The following DCDC1 variants were observed in gnomAD, a reference collection of about 807,000 sequenced individuals.
The protein encoded by DCDC1 is doublecortin domain containing 1.
Under a neutral mutation model 178.3 loss-of-function variants are expected in DCDC1, and 200 were observed. The observed-to-expected ratio is 1.12, with a 90% CI of 1.00 to 1.26. The LOEUF (loss-of-function observed/expected upper bound fraction) is 1.26, where lower values mean the gene tolerates loss of function less well. DCDC1 is among the 50% of genes most tolerant of loss of function. DCDC1 has a pLI of 0.00. For synonymous variants in DCDC1, 690 were observed against 604.8 expected (o/e 1.14, Z -2.07); for missense variants, 1,983 against 1,749.2 (o/e 1.13, Z -2.38).
intron 9 of DCDC1, among the ~76,000 whole-genome samples, chr11:31,160,816 C>G (rs78759690): frequency 6.6e-6 from 1 of 152,146 alleles, no homozygotes; most frequent in Non-Finnish European, 1.5e-5. Flanking sequence ...GTTTAGAACA[C>G]CATTTCCTGG....
intron 8 of DCDC1, among the ~76,000 whole-genome samples, chr11:31,256,545 AT>A (rs1479310609): frequency 1.3e-5 from 2 of 152,218 alleles, no homozygotes; most frequent in African/African-American, 4.8e-5. Context: ...TCTGAGACTT[AT>A]GAAGCAGCTT....
intron 15 of DCDC1, among the ~76,000 whole-genome samples, chr11:31,095,290 T>C (rs943006760): frequency 6.6e-6 from 1 of 152,160 alleles, no homozygotes; most frequent in Admixed American, 6.6e-5. Context: ...TATAATCCTT[T>C]GGGTATATAC....
chr11:31,303,458 A>C (rs938164081), intron 6 of DCDC1, among the ~76,000 whole-genome samples: 1 of 152,038 alleles, frequency 6.6e-6, no homozygotes, highest in African/African-American at 2.4e-5. Context: ...ACACGTTTTT[A>C]TTTTAATGGT....
intron 22 of DCDC1, among the ~76,000 whole-genome samples, chr11:30,928,130 A>C (rs1198104650): frequency 1.3e-5 from 2 of 152,112 alleles, no homozygotes; most frequent in Admixed American, 6.6e-5. Flanking sequence ...AAATGAGTGA[A>C]TTCTCATTCT....
At chr11:31,142,191 T>C (rs1464454408) in intron 9 of DCDC1, among the ~76,000 whole-genome samples, 1 of 152,198 alleles carries the variant, frequency 6.6e-6, no homozygotes, top group Non-Finnish European at 1.5e-5. Context: ...AGTTAATTTG[T>C]ATCTGGAAAT....
At chr11:31,263,243 G>C (rs972791217) in intron 8 of DCDC1, among the ~76,000 whole-genome samples, 3 of 151,932 alleles carry the variant, frequency 2.0e-5, no homozygotes, top group Non-Finnish European at 2.9e-5. Flanking sequence ...GTCTAGATAG[G>C]GTATTAAGAA....
chr11:31,173,733 C>T (rs187776321), intron 9 of DCDC1, among the ~76,000 whole-genome samples: 92 of 127,222 alleles, frequency 7.2e-4, no homozygotes, highest in Admixed American at 6.1e-3. Context: ...CCTCTTCACA[C>T]ACTTACACAC....
chr11:31,039,577 T>C (rs1954299909), intron 20 of DCDC1, among the ~76,000 whole-genome samples: 1 of 152,128 alleles, frequency 6.6e-6, no homozygotes, highest in South Asian at 2.1e-4. Flanking sequence ...CTTGGTACAT[T>C]TCAGTATTAT....
At chr11:31,044,608 G>A (rs1954702794) in intron 20 of DCDC1, among the ~76,000 whole-genome samples, 1 of 151,690 alleles carries the variant, frequency 6.6e-6, no homozygotes, top group Non-Finnish European at 1.5e-5. Context: ...GTGACAGCCA[G>A]CCAAAAAAAA....
In DCDC1 at chr11:30,881,192, A is replaced by C; in HGVS notation, c.5199T>G (p.Cys1733Trp). 6.2e-7 allele frequency: 1 copy of C among 1,613,516 alleles called. No individual in the cohort carries two copies. Among genetic ancestry groups the C allele is most frequent in the Non-Finnish European group, 8.5e-7 (1 of 1,179,588 alleles). Residue 1733 changes from cysteine to tryptophan, a missense_variant, in exon 37 of 39, where the codon TGT becomes TGG. By Grantham distance (215) the Cys-to-Trp change is radical. Coordinates refer to ENST00000684477, the MANE Select transcript of DCDC1 (RefSeq NM_001387274.1). ...TTTTGAAACCATGTCCCATAGACAC[A>C]CAGATGACCATATCTCGCTCTATGT... ...WDDIERDMVI[C>W]VSMGHGFKTP...
chr11:30,991,003 A>T (rs1177387211), intron 20 of DCDC1, among the ~76,000 whole-genome samples: 2 of 152,180 alleles, frequency 1.3e-5, no homozygotes, highest in African/African-American at 4.8e-5. Context: ...GAGAGTTACG[A>T]GGAAAAGCTG....
chr11:31,106,972 T>C lies in DCDC1; in HGVS notation c.1588-12A>G. ...ATCTTGAGAAGTAACTGGTTGGGGG[T>C]TAGAGGGGCAGAGGGGATAGAGGAG... On this transcript the variant is annotated splice_polypyrimidine_tract_variant and intron_variant, in intron 12 of 38. Transcript: ENST00000684477. The C allele has an allele frequency of 1.3e-6, 1 of 762,928 alleles. No individual in the cohort carries two copies. 47.3% of individuals were successfully genotyped at this position (762,928 alleles called of 1,614,324 possible).
intron 20 of DCDC1, among the ~76,000 whole-genome samples, chr11:31,003,978 G>C (rs1471034374): frequency 1.3e-5 from 2 of 152,108 alleles, no homozygotes; most frequent in South Asian, 4.1e-4. Context: ...GTTTCTGCTT[G>C]GGCAAGTGGT....
At chr11:31,030,995 C>T (rs927820761) in intron 20 of DCDC1, among the ~76,000 whole-genome samples, 2 of 152,018 alleles carry the variant, frequency 1.3e-5, no homozygotes, top group Non-Finnish European at 2.9e-5. Context: ...ATATTGACCT[C>T]GGAGTATGAG....
rs1215388412 is a variant in DCDC1 at position 30,911,377 on chromosome 11, A to G, written c.3697T>C (p.Ser1233Pro). The G allele has an allele frequency of 1.2e-6, 2 of 1,605,722 alleles. No individual in the cohort carries two copies. Among genetic ancestry groups the G allele is most frequent in the Non-Finnish European group, 1.7e-6 (2 of 1,176,066 alleles). Residue 1233 changes from serine to proline, a missense_variant, in exon 28 of 39, where the codon TCT becomes CCT. By Grantham distance (74) the Ser-to-Pro change is moderately conservative. Transcript: ENST00000684477. ...VSNPDLVLAV[S>P]MTKTRNEVCG... ...ACTTCATTTCTAGTCTTGGTCATAGACACTGCCAGCACAAGGTCAGGGTTA... is the reference window on the plus strand; with the variant it reads ...ACTTCATTTCTAGTCTTGGTCATAGGCACTGCCAGCACAAGGTCAGGGTTA...
At chr11:31,041,905 T>C (rs553244564) in intron 20 of DCDC1, among the ~76,000 whole-genome samples, 1 of 152,320 alleles carries the variant, frequency 6.6e-6, no homozygotes, top group East Asian at 1.9e-4. Context: ...ATATGTCATA[T>C]AAAATATTAG....
intron 9 of DCDC1, among the ~76,000 whole-genome samples, chr11:31,155,316 T>G (rs1965606881): frequency 6.6e-6 from 1 of 152,228 alleles, no homozygotes; most frequent in Non-Finnish European, 1.5e-5. Context: ...GATAATTTCT[T>G]GAGGACTTAC....
At chr11:31,338,287 T>G (rs1189383332) in intron 1 of DCDC1, among the ~76,000 whole-genome samples, 1 of 152,150 alleles carries the variant, frequency 6.6e-6, no homozygotes, top group African/African-American at 2.4e-5. Context: ...ATGTGGCAAA[T>G]GCATTAACTT....
rs1446547790 is a variant in DCDC1, at chr11:31,307,877, T to C, written c.196A>G (p.Ile66Val). 6.2e-7 allele frequency: 1 copy of C among 1,614,090 alleles called. No individual in the cohort carries two copies. The highest frequency in any genetic ancestry group is 8.5e-7 in the Non-Finnish European group (1 of 1,179,964). Reference protein sequence around the residue: ...EFMSSQAKAVIKTTDDYLQSQ... With the variant: ...EFMSSQAKAVVKTTDDYLQSQ... ...TGCAAATAATCATCAGTAGTTTTAA[T>C]AACTGCTTTTGCCTGGGATGACATA... The change falls in exon 4 of 39, where the codon ATT becomes GTT. Residue 66 changes from isoleucine to valine, a missense_variant. Transcript: ENST00000684477.
Sources: gnomAD v4.1 joint callset for allele counts (sites outside exome capture counted in the v4.1 genomes callset) on GRCh38, gnomAD v4.1.1 for gene constraint, MANE v1.5 for transcripts, NCBI Gene and HGNC (gene_info 2026-07-23, HGNC 2026-07-21) for gene names.